The following IL18R1 variants were observed in gnomAD, a reference collection of about 807,000 sequenced individuals.
IL18R1 encodes the protein interleukin 18 receptor 1.
In IL18R1, 40 loss-of-function variants were observed where a neutral mutation model predicts 48.5. The ratio of observed to expected loss-of-function variants is 0.82; its 90% CI spans 0.64 to 1.07. The LOEUF (loss-of-function observed/expected upper bound fraction) is 1.07. IL18R1 is among the 50% of genes least tolerant of loss of function. The pLI, the probability that IL18R1 is intolerant of heterozygous loss-of-function variation, is 0.00. For missense variants in IL18R1, 596 were observed against 633.7 expected (o/e 0.94, Z 0.64); for synonymous variants, 232 against 225.9 (o/e 1.03, Z -0.24).
intron 2 of IL18R1, among the ~76,000 whole-genome samples, chr2:102,367,148 A>T (rs1000639250): frequency 1.3e-5 from 2 of 152,238 alleles, no homozygotes; most frequent in African/African-American, 4.8e-5. Flanking sequence ...ATGGTCAGAT[A>T]TATTTCCAAA....
chr2:102,384,940 T>A lies in IL18R1; in HGVS notation c.751T>A (p.Phe251Ile), dbSNP rs1173899687. 6.2e-7 allele frequency: 1 copy of A among 1,610,632 alleles called. No individual in the cohort carries two copies. The highest frequency in any genetic ancestry group is 1.7e-5 in the Admixed American group (1 of 59,962). Reference sequence around the variant, plus strand: ...TGAAGAGGATGTAATTTATTGGATGTTCGGGGAAGAAAATGGATCGGATCC... The same window carrying A: ...TGAAGAGGATGTAATTTATTGGATGATCGGGGAAGAAAATGGATCGGATCC... The part of the protein sequence containing the change: ...LNEEDVIYWM[F>I]GEENGSDPNI... Residue 251 changes from phenylalanine to isoleucine, a missense_variant, in exon 7 of 11, where the codon TTC becomes ATC. Phe to Ile is a conservative substitution (Grantham distance 21). Around this residue, in one of 3 missense-constraint regions of IL18R1, gnomAD observed 360 missense variants for 339.4 expected, o/e 1.06. Transcript: ENST00000233957.
chr2:102,370,651 C>A (rs761786062), intron 3 of IL18R1, among the ~76,000 whole-genome samples: 8 of 152,210 alleles, frequency 5.3e-5, no homozygotes, highest in Non-Finnish European at 1.0e-4. Context: ...GCCTCTGGGG[C>A]CAAATAGATG....
intron 4 of IL18R1, 118 bp from the exon 5 acceptor site, chr2:102,375,789 T>G: frequency 1.6e-6 from 1 of 627,942 alleles, no homozygotes; most frequent in East Asian, 3.1e-5. Flanking sequence ...GTCCAGGAAT[T>G]GCTACTTTCC....
intron 5 of IL18R1, among the ~76,000 whole-genome samples, chr2:102,378,498 C>T (rs1039675493): frequency 8.5e-5 from 13 of 152,230 alleles, no homozygotes; most frequent in African/African-American, 3.1e-4. Context: ...AATTGTCCAT[C>T]TTATTTTTCT....
At chr2:102,367,767 G>A in intron 2 of IL18R1, 58 bp from the exon 3 acceptor site, 14 of 1,517,882 alleles carry the variant, frequency 9.2e-6, no homozygotes, top group Non-Finnish European at 2.7e-6. Flanking sequence ...ACCAAAAAAA[G>A]TTACCTTGTC....
intron 5 of IL18R1, among the ~76,000 whole-genome samples, chr2:102,377,020 T>G (rs11465625): frequency 2.5e-4 from 38 of 152,392 alleles, no homozygotes; most frequent in Non-Finnish European, 5.0e-4. Flanking sequence ...CTTTCGTGAT[T>G]TGAAGACAGG....
chr2:102,394,372 A>G lies in IL18R1; in HGVS notation c.1112-97A>G, dbSNP rs977384818. The G allele has an allele frequency of 1.7e-4, 163 of 956,734 alleles. No homozygotes were observed. In the East Asian group the frequency reaches 4.2e-3, roughly 25 times the overall value. 59.3% of individuals were successfully genotyped at this position (956,734 alleles called of 1,614,324 possible). A position where few individuals can be genotyped will look rare whatever the true frequency, so the allele number is the denominator to read the frequency against. On this transcript the variant is annotated intron_variant, in intron 9 of 10. Transcript: ENST00000233957. ...ACTTTATATATAATTTGTTTTTTCA[A>G]TGATTCTATACTCATTACTTACGAC...
chr2:102,391,540 G>T (rs538608518), intron 9 of IL18R1, among the ~76,000 whole-genome samples: 1 of 152,262 alleles, frequency 6.6e-6, no homozygotes, highest in South Asian at 2.1e-4. Flanking sequence ...TAAAAATGCT[G>T]CAATGGACAG....
At position 102,394,633 on chromosome 2, in the gene IL18R1, A is replaced by T. The variant is rs758879544; in HGVS notation, c.1270+6A>T. ...GGATGTAGTGCCTGGAGGAGGTAAG[A>T]GGGAATGCCAGATAGAAAAATATTC... On this transcript the variant is annotated splice_donor_region_variant and intron_variant, in intron 10 of 10. Coordinates refer to ENST00000233957, the MANE Select transcript of IL18R1 (RefSeq NM_003855.5). The T allele has an allele frequency of 6.3e-7, 1 of 1,584,756 alleles. No individual in the cohort carries two copies. Among genetic ancestry groups the T allele is most frequent in the African/African-American group, 1.3e-5 (1 of 74,172 alleles).
At chr2:102,380,480 GAGTT>G (rs1679855694) in intron 5 of IL18R1, among the ~76,000 whole-genome samples, 2 of 152,308 alleles carry the variant, frequency 1.3e-5, no homozygotes, top group Non-Finnish European at 2.9e-5. Context: ...TCAGACCTGA[GAGTT>G]AGTTCTTTCC....
At chr2:102,388,553 CA>C (rs1680377886) in intron 8 of IL18R1, among the ~76,000 whole-genome samples, 2 of 152,260 alleles carry the variant, frequency 1.3e-5, no homozygotes, top group African/African-American at 4.8e-5. Context: ...GGGGCCTGCT[CA>C]CCACCGGATC....
intron 1 of IL18R1, among the ~76,000 whole-genome samples, chr2:102,361,298 G>A (rs1390908858): frequency 6.6e-6 from 1 of 152,162 alleles, no homozygotes; most frequent in Admixed American, 6.5e-5. Flanking sequence ...TGCACAGTTG[G>A]TACTTTCCAT....
intron 2 of IL18R1, among the ~76,000 whole-genome samples, chr2:102,365,618 G>T (rs1678846175): frequency 6.6e-6 from 1 of 152,084 alleles, no homozygotes; most frequent in African/African-American, 2.4e-5. Context: ...ACTCCAGTGG[G>T]GACTCTGTAT....
Position 102,367,883 on chromosome 2 carries a change from A to T in IL18R1, c.117A>T (p.Lys39Asn). ...TVVEGEPFYL[K>N]HCSCSLAHEI... The stretch of plus-strand genomic sequence containing the variant: ...TTGAAGGGGAACCTTTCTATCTGAA[A>T]CATTGCTCGTGTTCACTTGCACATG... The change falls in exon 3 of 11, where the codon AAA becomes AAT. Residue 39 changes from lysine (K) to asparagine (N), a missense_variant. Around this residue, in one of 3 missense-constraint regions of IL18R1, gnomAD observed 360 missense variants for 339.4 expected, o/e 1.06. Transcript: ENST00000233957. 6.2e-7 allele frequency: 1 copy of T among 1,614,018 alleles called. No individual in the cohort carries two copies. Among genetic ancestry groups the T allele is most frequent in the Non-Finnish European group, 8.5e-7 (1 of 1,179,882 alleles).
chr2:102,394,549 G>A lies in IL18R1; in HGVS notation c.1192G>A (p.Glu398Lys), dbSNP rs1680720537. 6.2e-7 allele frequency: 1 copy of A among 1,613,500 alleles called. No individual in the cohort carries two copies. The highest frequency in any genetic ancestry group is 1.7e-5 in the Admixed American group (1 of 60,014). ...ENGEEHTFAV[E>K]ILPRVLEKHF... The stretch of plus-strand genomic sequence containing the variant: ...TGGAGAGGAGCACACCTTTGCTGTG[G>A]AGATTTTGCCCAGGGTGTTGGAGAA... Residue 398 changes from glutamate to lysine, a missense_variant, in exon 10 of 11, where the codon GAG becomes AAG. Coordinates refer to ENST00000233957, the MANE Select transcript of IL18R1 (RefSeq NM_003855.5).
intron 4 of IL18R1, among the ~76,000 whole-genome samples, chr2:102,373,624 T>A (rs1386176606): frequency 3.3e-5 from 5 of 151,576 alleles, no homozygotes; most frequent in Non-Finnish European, 5.9e-5. Context: ...AAAAAAAAGC[T>A]CTTTTAGACC....
intron 1 of IL18R1, among the ~76,000 whole-genome samples, chr2:102,357,404 T>C (rs1678313457): frequency 6.6e-6 from 1 of 150,786 alleles, no homozygotes; most frequent in South Asian, 2.1e-4. Flanking sequence ...GGCAGGAGAA[T>C]CCCTTGAACC....
intron 5 of IL18R1, 130 bp from the exon 6 acceptor site, chr2:102,381,490 A>G (rs1679913839): frequency 3.0e-6 from 2 of 675,158 alleles, no homozygotes; most frequent in East Asian, 5.6e-5. Flanking sequence ...TGCAAATAGG[A>G]CTCAAGTGAA....
At chr2:102,369,998 C>T (rs1214511797) in intron 3 of IL18R1, among the ~76,000 whole-genome samples, 2 of 152,204 alleles carry the variant, frequency 1.3e-5, no homozygotes, top group Non-Finnish European at 2.9e-5. Context: ...GGCTGACAGG[C>T]AGCAAGTTCA....
Sources: allele counts gnomAD v4.1 joint callset (sites outside exome capture counted in the v4.1 genomes callset), GRCh38; gene constraint gnomAD v4.1.1; regional missense constraint gnomAD v4.1.1; transcripts MANE v1.5; gene names NCBI Gene and HGNC (gene_info 2026-07-23, HGNC 2026-07-21).